PVR: variants seen among roughly 807,000 people sequenced by gnomAD.
PVR encodes the protein poliovirus receptor.
Under a neutral mutation model 43.3 loss-of-function variants are expected in PVR, and 39 were observed. That is an observed-to-expected ratio of 0.90 (90% CI 0.70 to 1.18). The LOEUF (loss-of-function observed/expected upper bound fraction) is 1.18, where lower values mean the gene tolerates loss of function less well. Ranked by LOEUF, PVR falls within the 50% of genes most tolerant of loss-of-function variation. The pLI is 0.00. For missense variants in PVR, 480 were observed against 549.7 expected (o/e 0.87, Z 1.27); for synonymous variants, 224 against 233.2 (o/e 0.96, Z 0.36).
chr19:44,654,896 C>G (rs1973397823), intron 4 of PVR, among the ~76,000 whole-genome samples: 3 of 152,244 alleles, frequency 2.0e-5, no homozygotes, highest in South Asian at 4.2e-4. Flanking sequence ...CCTTGTGTAA[C>G]CTACTTGGTT....
Position 44,644,316 on chromosome 19 carries a change from A to G in PVR, c.79+141A>G, listed in dbSNP as rs573497914. ...CCCCCATCTCTGCCCCGGGGTTGGA[A>G]GGAACACGGTGCGAGGGTGCGAGGG... On this transcript the variant is annotated intron_variant, in intron 1 of 7. Transcript: ENST00000425690. 13 of 627,618 alleles carry G rather than the reference A, an allele frequency of 2.1e-5. No homozygotes were observed. The Admixed American group carries it at 4.7e-4, about 23-fold the overall frequency. 38.9% of individuals were successfully genotyped at this position (627,618 alleles called of 1,614,324 possible).
chr19:44,650,837 T>C (rs557001839), intron 3 of PVR, among the ~76,000 whole-genome samples: 2 of 152,108 alleles, frequency 1.3e-5, no homozygotes, highest in East Asian at 3.9e-4. Flanking sequence ...TATGCTGGAA[T>C]TATAGGCATG....
rs200726927 is a variant in PVR at position 44,652,389 on chromosome 19, GTTT to G, written c.725-1506_725-1504del. Among the ~76,000 whole-genome samples the G allele has an allele frequency of 8.1e-3, 1,233 of 151,358 alleles. 22 individuals carry two copies. Among genetic ancestry groups the G allele is most frequent in the African/African-American group, 0.028 (1,164 of 41,264 alleles). On this transcript the variant is annotated intron_variant, in intron 3 of 7. Transcript: ENST00000425690. The stretch of plus-strand genomic sequence containing the variant: ...AATTTTTGTTTTTGTTTTTGTTTTT[GTTT>G]TTTTGTTTTGTGATGAAGTCTTGCT...
At chr19:44,645,715 C>T (rs923083710) in intron 1 of PVR, among the ~76,000 whole-genome samples, 1 of 151,750 alleles carries the variant, frequency 6.6e-6, no homozygotes, top group Non-Finnish European at 1.5e-5. Flanking sequence ...AATCCCAACA[C>T]TTTGGGAGGC....
rs950198616 is a variant in PVR, at chr19:44,665,085, T to C, written c.*3274T>C. The C allele has an allele frequency of 1.9e-4, 29 of 152,086 alleles. No individual in the cohort carries two copies. The highest frequency in any genetic ancestry group is 6.8e-4 in the African/African-American group (28 of 41,406). The allele number at this position is 152,086 out of a possible 1,614,324, so 9.4% of individuals were successfully genotyped here. Reference sequence around the variant, plus strand: ...CCAGGAATGGAGAGTGGGCCCAGAATTTTGGTATAGGTGTTGTATAAACTT... The same window carrying C: ...CCAGGAATGGAGAGTGGGCCCAGAACTTTGGTATAGGTGTTGTATAAACTT... On this transcript the variant is annotated 3_prime_UTR_variant, in exon 8 of 8. Transcript: ENST00000425690.
chr19:44,656,762 G>A (rs2123765443), intron 4 of PVR, among the ~76,000 whole-genome samples: 1 of 152,246 alleles, frequency 6.6e-6, no homozygotes, highest in South Asian at 2.1e-4. Context: ...TTGAGGCTAG[G>A]AGTTCAAGAC....
rs769515502 is a variant in PVR, at chr19:44,647,443, C to T, written c.300C>T (p.Gly100=). Residue 100 remains glycine (G), a synonymous_variant, in exon 2 of 8, where the codon GGC becomes GGT. Coordinates refer to ENST00000425690, the MANE Select transcript of PVR (RefSeq NM_006505.5). ...TGGAATTCGTGGCAGCCAGACTGGG[C>T]GCGGAGCTGCGGAATGCCTCGCTGA... ...KRLEFVAARL[G]AELRNASLRM... The T allele has an allele frequency of 3.7e-6, 6 of 1,614,046 alleles. No homozygotes were observed. In the South Asian group the frequency reaches 5.5e-5, roughly 15 times the overall value.
Position 44,647,439 on chromosome 19 carries a change from T to TG in PVR, c.299dup (p.Ala101ArgfsTer18). The TG allele has an allele frequency of 6.2e-7, 1 of 1,614,072 alleles. No homozygotes were observed. The highest frequency in any genetic ancestry group is 8.5e-7 in the Non-Finnish European group (1 of 1,179,986). On this transcript the variant is annotated frameshift_variant, in exon 2 of 8. Transcript: ENST00000425690. LOFTEE classifies it high-confidence loss of function. Reference sequence around the variant, plus strand: ...CGGCTGGAATTCGTGGCAGCCAGACTGGGCGCGGAGCTGCGGAATGCCTCG... The same window carrying TG: ...CGGCTGGAATTCGTGGCAGCCAGACTGGGGCGCGGAGCTGCGGAATGCCTCG...
chr19:44,644,188 C>T lies in PVR; in HGVS notation c.79+13C>T. 1.3e-6 allele frequency: 2 copies of T among 1,488,724 alleles called. No homozygotes were observed. The highest frequency in any genetic ancestry group is 1.8e-6 in the Non-Finnish European group (2 of 1,125,336). 92.2% of individuals were successfully genotyped at this position (1,488,724 alleles called of 1,614,324 possible). ...CCCCCAGGAACCGGTGAGTGACCCCCGCGCAGTCCGGTGGCCCCTGTCTGG... is the reference window on the plus strand; with the variant it reads ...CCCCCAGGAACCGGTGAGTGACCCCTGCGCAGTCCGGTGGCCCCTGTCTGG... On this transcript the variant is annotated intron_variant, in intron 1 of 7. Coordinates refer to ENST00000425690, the MANE Select transcript of PVR (RefSeq NM_006505.5).
intron 1 of PVR, among the ~76,000 whole-genome samples, chr19:44,645,120 T>TAAA (rs1599755945): frequency 0.018 from 1,425 of 79,726 alleles, 168 homozygotes; most frequent in South Asian, 0.045. Flanking sequence ...TAATATATAA[T>TAAA]ATATTATAAT....
chr19:44,647,149 C>CACCT, intron 1 of PVR, 74 bp from the exon 2 acceptor site: 1 of 1,198,846 alleles, frequency 8.3e-7, no homozygotes, highest in Non-Finnish European at 1.1e-6. Flanking sequence ...CCCAGGTGCC[C>CACCT]GGGCTCCTGG....
chr19:44,649,724 A>G (rs994336456), intron 2 of PVR, 85 bp from the exon 3 acceptor site: 6 of 1,439,106 alleles, frequency 4.2e-6, no homozygotes, highest in South Asian at 3.9e-5. Context: ...CCCAGCAACC[A>G]TGCCATCCTG....
chr19:44,653,727 C>T, intron 3 of PVR, 173 bp from the exon 4 acceptor site: 2 of 594,786 alleles, frequency 3.4e-6, no homozygotes, highest in Admixed American at 2.4e-5. Flanking sequence ...CCAAGGACTC[C>T]TAGGCTTCTG....
At chr19:44,653,277 C>T (rs1250594263) in intron 3 of PVR, among the ~76,000 whole-genome samples, 1 of 152,092 alleles carries the variant, frequency 6.6e-6, no homozygotes. Context: ...TCATACTGTT[C>T]CTCCCACCAT....
Position 44,657,882 on chromosome 19 carries a change from C to A in PVR, c.963C>A (p.Arg321=). ...ACGTCACCAATGCCCTAGGAGCTCGCCAGGCAGAACTGACCGTCCAGGTCA... is the reference window on the plus strand; with the variant it reads ...ACGTCACCAATGCCCTAGGAGCTCGACAGGCAGAACTGACCGTCCAGGTCA... ...ICNVTNALGA[R]QAELTVQVKE... is the part of the protein sequence containing the mutation. Residue 321 remains arginine, a synonymous_variant, in exon 5 of 8, where the codon CGC becomes CGA. Transcript: ENST00000425690. 6.2e-7 allele frequency: 1 copy of A among 1,613,810 alleles called. No individual in the cohort carries two copies. The highest frequency in any genetic ancestry group is 8.5e-7 in the Non-Finnish European group (1 of 1,179,872).
chr19:44,652,953 G>A lies in PVR; in HGVS notation c.725-947G>A, dbSNP rs192559632. Among the ~76,000 whole-genome samples the A allele has an allele frequency of 1.4e-3, 208 of 152,218 alleles. 1 individual carries two copies. Among genetic ancestry groups the A allele is most frequent in the Non-Finnish European group, 1.1e-3 (73 of 68,018 alleles). On this transcript the variant is annotated intron_variant, in intron 3 of 7. Coordinates refer to ENST00000425690, the MANE Select transcript of PVR (RefSeq NM_006505.5). The stretch of plus-strand genomic sequence containing the variant: ...TAGTAAAGCCTTTGAAATCTGGTGT[G>A]TATTTCGGCCTGGCTATATTTCGAG...
intron 3 of PVR, 75 bp downstream of exon 3, chr19:44,650,180 A>G (rs747614415): frequency 4.4e-6 from 6 of 1,352,514 alleles, no homozygotes; most frequent in Non-Finnish European, 5.9e-6. Flanking sequence ...TGACTCCCCA[A>G]GGCACTGTAG....
chr19:44,660,912 T>A (rs972058796), intron 6 of PVR, among the ~76,000 whole-genome samples: 1 of 152,204 alleles, frequency 6.6e-6, no homozygotes, highest in Non-Finnish European at 1.5e-5. Flanking sequence ...CACCATTTGC[T>A]GAATAATACT....
chr19:44,656,488 T>G (rs907183289), intron 4 of PVR, among the ~76,000 whole-genome samples: 1 of 152,204 alleles, frequency 6.6e-6, no homozygotes, highest in African/African-American at 2.4e-5. Flanking sequence ...CCTCTGTTCA[T>G]TAAACCAGTG....
Sources: allele counts gnomAD v4.1 joint callset (sites outside exome capture counted in the v4.1 genomes callset), GRCh38; gene constraint gnomAD v4.1.1; transcripts MANE v1.5; gene names NCBI Gene and HGNC (gene_info 2026-07-23, HGNC 2026-07-21).